POU6F2: variants seen among roughly 807,000 people sequenced by gnomAD.
POU6F2 encodes POU class 6 homeobox 2.
Under a neutral mutation model 71.3 loss-of-function variants are expected in POU6F2, and 31 were observed. The ratio of observed to expected loss-of-function variants is 0.43; its 90% CI spans 0.33 to 0.59. The LOEUF is 0.59. Ranked by LOEUF, POU6F2 falls within the 20% of genes least tolerant of loss-of-function variation. POU6F2 has a pLI of 0.04. For missense variants in POU6F2, 783 were observed against 856.8 expected, an observed-to-expected ratio of 0.91 and a Z score of 1.07; for synonymous variants, 347 against 355.7, an observed-to-expected ratio of 0.98 and a Z score of 0.27.
chr7:39,412,956 A>G (rs1237443456), intron 6 of POU6F2, among the ~76,000 whole-genome samples: 1 of 150,190 alleles, frequency 6.7e-6, no homozygotes, highest in Non-Finnish European at 1.5e-5. Context: ...GCCTGCCACC[A>G]CGCCTGGCTA....
At chr7:39,107,753 A>T (rs1791721594) in intron 2 of POU6F2, among the ~76,000 whole-genome samples, 1 of 152,078 alleles carries the variant, frequency 6.6e-6, no homozygotes, top group Admixed American at 6.6e-5. Context: ...CTCTCTCTTT[A>T]CCTGAAAGGG....
At chr7:39,184,968 G>T (rs1227792413) in intron 2 of POU6F2, among the ~76,000 whole-genome samples, 1 of 152,146 alleles carries the variant, frequency 6.6e-6, no homozygotes, top group Admixed American at 6.5e-5. Context: ...TTATTGACTG[G>T]TCTGTTAACT....
chr7:39,207,682 G>A, intron 4 of POU6F2, 62 bp downstream of exon 4: 2 of 1,454,260 alleles, frequency 1.4e-6, no homozygotes, highest in Admixed American at 2.2e-5. Flanking sequence ...TCTCTGAAGT[G>A]GGCAAAAAAA....
At chr7:39,236,071 C>G (rs986022733) in intron 4 of POU6F2, among the ~76,000 whole-genome samples, 7 of 152,098 alleles carry the variant, frequency 4.6e-5, no homozygotes, top group Admixed American at 2.6e-4. Flanking sequence ...AACATTTTCC[C>G]AAGAAACTAT....
intron 2 of POU6F2, among the ~76,000 whole-genome samples, chr7:39,202,738 G>A (rs1273642232): frequency 6.6e-6 from 1 of 152,126 alleles, no homozygotes; most frequent in Non-Finnish European, 1.5e-5. Context: ...ATGAGGAAGT[G>A]GTTGGCATCT....
chr7:38,987,084 A>C (rs1788481468), intron 1 of POU6F2, among the ~76,000 whole-genome samples: 2 of 152,150 alleles, frequency 1.3e-5, no homozygotes, highest in South Asian at 4.1e-4. Context: ...AGATTTCAGA[A>C]TTTTCCAAAT....
chr7:39,004,086 T>C (rs1177401961), intron 1 of POU6F2, among the ~76,000 whole-genome samples: 1 of 152,194 alleles, frequency 6.6e-6, no homozygotes, highest in African/African-American at 2.4e-5. Context: ...ATAAAATCTC[T>C]GATAACAATT....
intron 4 of POU6F2, among the ~76,000 whole-genome samples, chr7:39,314,036 A>G (rs540831791): frequency 1.3e-5 from 2 of 152,278 alleles, no homozygotes; most frequent in African/African-American, 4.8e-5. Context: ...CACACATGAG[A>G]TTCTGTGATG....
At chr7:39,027,091 C>A (rs532347010) in intron 1 of POU6F2, among the ~76,000 whole-genome samples, 1 of 152,078 alleles carries the variant, frequency 6.6e-6, no homozygotes, top group Admixed American at 6.6e-5. Context: ...TAGTAAAAGA[C>A]ATAAGCAATT....
At chr7:39,129,378 C>T (rs1479307790) in intron 2 of POU6F2, among the ~76,000 whole-genome samples, 1 of 152,092 alleles carries the variant, frequency 6.6e-6, no homozygotes, top group Non-Finnish European at 1.5e-5. Flanking sequence ...GAAATTTGAC[C>T]TAAACTGATT....
At chr7:39,320,815 G>A (rs1017446474) in intron 4 of POU6F2, among the ~76,000 whole-genome samples, 2 of 152,188 alleles carry the variant, frequency 1.3e-5, no homozygotes, top group African/African-American at 4.8e-5. Flanking sequence ...AGGACTTTGG[G>A]AGGCTAAGGT....
At chr7:39,076,581 T>C (rs1037741926) in intron 1 of POU6F2, among the ~76,000 whole-genome samples, 3 of 152,176 alleles carry the variant, frequency 2.0e-5, no homozygotes, top group African/African-American at 7.2e-5. Context: ...GTATCATGAT[T>C]GTTATCGCAT....
chr7:39,443,871 G>A (rs933903179), intron 7 of POU6F2, among the ~76,000 whole-genome samples: 9 of 152,052 alleles, frequency 5.9e-5, no homozygotes, highest in East Asian at 1.9e-4. Context: ...TGTGATTTAC[G>A]ACAAATGTGT....
At chr7:39,194,478 TCTAG>T (rs1003811665) in intron 2 of POU6F2, among the ~76,000 whole-genome samples, 217 of 152,262 alleles carry the variant, frequency 1.4e-3, no homozygotes, top group African/African-American at 5.1e-3. Context: ...GCGCTCTGTA[TCTAG>T]CTAAAGGTTT....
chr7:39,082,832 AC>A (rs1791154199), intron 1 of POU6F2, among the ~76,000 whole-genome samples: 1 of 151,408 alleles, frequency 6.6e-6, no homozygotes, highest in Non-Finnish European at 1.5e-5. Flanking sequence ...ACACACACAC[AC>A]ACAAATATAT....
intron 2 of POU6F2, among the ~76,000 whole-genome samples, chr7:39,087,286 G>A (rs1251983192): frequency 6.6e-6 from 1 of 151,584 alleles, no homozygotes; most frequent in Non-Finnish European, 1.5e-5. Context: ...AATTTTAAAT[G>A]CTTACTCAAT....
At chr7:39,041,952 G>A (rs1200484487) in intron 1 of POU6F2, among the ~76,000 whole-genome samples, 1 of 151,902 alleles carries the variant, frequency 6.6e-6, no homozygotes, top group Non-Finnish European at 1.5e-5. Context: ...AAGAATCACA[G>A]GCATTTATTG....
At chr7:39,405,027 G>T (rs1348554952) in intron 5 of POU6F2, 1 of 152,188 alleles carries the variant, frequency 6.6e-6, no homozygotes, top group Middle Eastern at 3.4e-3. Flanking sequence ...AATCATTATT[G>T]TCTTTTAGGA....
intron 4 of POU6F2, among the ~76,000 whole-genome samples, chr7:39,327,983 T>TGC (rs1785551025): frequency 6.6e-6 from 1 of 152,144 alleles, no homozygotes; most frequent in Non-Finnish European, 1.5e-5. Context: ...TGCAGTGGCA[T>TGC]GATCTCAGCT....
Sources: gnomAD v4.1 joint callset for allele counts (sites outside exome capture counted in the v4.1 genomes callset) on GRCh38, gnomAD v4.1.1 for gene constraint, MANE v1.5 for transcripts, NCBI Gene and HGNC (gene_info 2026-07-23, HGNC 2026-07-21) for gene names.